LARP1B: variants seen among roughly 807,000 people sequenced by gnomAD.
The protein encoded by LARP1B is La ribonucleoprotein 1B.
A neutral mutation model predicts 114.2 loss-of-function variants in LARP1B; 76 were observed. That is an observed-to-expected ratio of 0.67 (90% CI 0.55 to 0.81). The LOEUF is 0.81. LARP1B is among the 30% of genes least tolerant of loss of function. The probability of loss-of-function intolerance (pLI) is 0.00; values close to 1 mark genes in which losing one functional copy is unlikely to be tolerated. For synonymous variants in LARP1B, 345 were observed against 348.0 expected, an observed-to-expected ratio of 0.99 and a Z score of 0.10; for missense variants, 1,014 against 1,075.8, an observed-to-expected ratio of 0.94 and a Z score of 0.80.
At position 128,210,202 on chromosome 4, in the gene LARP1B, G is replaced by C; in HGVS notation, c.*149G>C. 1 of 1,433,300 alleles carries C rather than the reference G, an allele frequency of 7.0e-7. No homozygotes were observed. The highest frequency in any genetic ancestry group is 9.1e-7 in the Non-Finnish European group (1 of 1,095,382). 88.8% of individuals were successfully genotyped at this position (1,433,300 alleles called of 1,614,324 possible). A position where few individuals can be genotyped will look rare whatever the true frequency, so the allele number is the denominator to read the frequency against. On this transcript the variant is annotated 3_prime_UTR_variant, in exon 20 of 20. Coordinates refer to ENST00000326639, the MANE Select transcript of LARP1B (RefSeq NM_018078.4). ...GGTGTTTAATTGTGATAATAAGAAA[G>C]AAGAAAAAGAAAGAAAAGTGGTAGC...
At chr4:128,186,303 T>G (rs1750326625) in intron 15 of LARP1B, among the ~76,000 whole-genome samples, 1 of 152,162 alleles carries the variant, frequency 6.6e-6, no homozygotes, top group African/African-American at 2.4e-5. Context: ...CATGAGCATG[T>G]GCTATCATTC....
chr4:128,158,340 AAAC>A (rs1378729425), intron 11 of LARP1B, among the ~76,000 whole-genome samples: 2 of 152,232 alleles, frequency 1.3e-5, no homozygotes, highest in Non-Finnish European at 2.9e-5. Context: ...TTATAGTTCT[AAAC>A]GTGAAACACA....
At chr4:128,177,384 A>G (rs964019763) in intron 13 of LARP1B, among the ~76,000 whole-genome samples, 7 of 152,194 alleles carry the variant, frequency 4.6e-5, no homozygotes, top group East Asian at 1.9e-4. Context: ...AAAAAAGTCG[A>G]TAAGTCTGAA....
chr4:128,168,830 G>T (rs764535161), intron 12 of LARP1B, among the ~76,000 whole-genome samples: 6 of 151,866 alleles, frequency 4.0e-5, no homozygotes, highest in Admixed American at 1.3e-4. Context: ...GAATGCTGGC[G>T]TCATAAAATG....
intron 11 of LARP1B, among the ~76,000 whole-genome samples, chr4:128,139,575 A>G (rs2150191298): frequency 8.4e-6 from 1 of 118,942 alleles, no homozygotes. Context: ...TTGTAACTGT[A>G]TAACTGTTAA....
intron 5 of LARP1B, among the ~76,000 whole-genome samples, chr4:128,088,870 G>T (rs576821189): frequency 7.9e-5 from 12 of 152,054 alleles, no homozygotes; most frequent in African/African-American, 2.4e-4. Context: ...GGAGCGGGAG[G>T]TGGCTTGATC....
intron 11 of LARP1B, among the ~76,000 whole-genome samples, chr4:128,128,343 G>A (rs1181233267): frequency 6.6e-6 from 1 of 152,152 alleles, no homozygotes; most frequent in Non-Finnish European, 1.5e-5. Flanking sequence ...CAGTACAGAT[G>A]TTCCTCAAAT....
intron 11 of LARP1B, among the ~76,000 whole-genome samples, chr4:128,148,427 ACT>A (rs1581010676): frequency 6.6e-6 from 1 of 151,012 alleles, no homozygotes; most frequent in Admixed American, 6.6e-5. Flanking sequence ...CAAGAGTGAA[ACT>A]CTGTCTCAAA....
chr4:128,075,503 C>T (rs999270223), intron 3 of LARP1B, among the ~76,000 whole-genome samples: 2 of 151,850 alleles, frequency 1.3e-5, no homozygotes, highest in Admixed American at 1.3e-4. Context: ...TTAAGCTTTA[C>T]TCATGGGAAG....
chr4:128,100,805 CTT>C (rs1260880149), intron 8 of LARP1B, among the ~76,000 whole-genome samples: 1 of 140,504 alleles, frequency 7.1e-6, no homozygotes, highest in Non-Finnish European at 1.6e-5. Flanking sequence ...CTTTTCTTTT[CTT>C]TTTTTTTTTG....
intron 17 of LARP1B, among the ~76,000 whole-genome samples, chr4:128,200,944 G>C (rs1755750714): frequency 6.6e-6 from 1 of 152,200 alleles, no homozygotes; most frequent in Non-Finnish European, 1.5e-5. Flanking sequence ...TCCAGAAACT[G>C]CTTAGCTGGG....
chr4:128,197,267 GA>G (rs1754479168), intron 15 of LARP1B, among the ~76,000 whole-genome samples: 1 of 152,106 alleles, frequency 6.6e-6, no homozygotes, highest in Admixed American at 6.5e-5. Context: ...TATTTCATTA[GA>G]AAAGTCTTTA....
At position 128,209,933 on chromosome 4, in the gene LARP1B, A is replaced by G; in HGVS notation, c.2625A>G (p.Pro875=). The part of the protein sequence containing the change: ...SGEESNRHRL[P]PNSSTKPPNA... ...AGGAGAGTAATCGTCATAGACTTCC[A>G]CCTAATTCCTCTACAAAGCCACCAA... is the stretch of plus-strand genomic sequence containing the variant. Residue 875 remains proline (P), a synonymous_variant, in exon 20 of 20, where the codon CCA becomes CCG. Coordinates refer to ENST00000326639, the MANE Select transcript of LARP1B (RefSeq NM_018078.4). The G allele has an allele frequency of 1.2e-6, 2 of 1,613,914 alleles. No homozygotes were observed. The highest frequency in any genetic ancestry group is 1.7e-6 in the Non-Finnish European group (2 of 1,179,840).
At chr4:128,122,761 C>T in intron 11 of LARP1B, 3 of 1,188,138 alleles carry the variant, frequency 2.5e-6, no homozygotes, top group Non-Finnish European at 3.1e-6. Flanking sequence ...TTACTTTTTA[C>T]AATCTTGTTC....
chr4:128,108,235 G>A lies in LARP1B; in HGVS notation c.988+922G>A, dbSNP rs72922344. 1,911 of 1,133,738 alleles carry A rather than the reference G, an allele frequency of 1.7e-3. 28 individuals carry two copies. The African/African-American group carries it at 0.028, about 17-fold the overall frequency. The allele number at this position is 1,133,738 out of a possible 1,614,324, so 70.2% of individuals were successfully genotyped here. A position where few individuals can be genotyped will look rare whatever the true frequency, so the allele number is the denominator to read the frequency against. On this transcript the variant is annotated intron_variant, in intron 9 of 19. Coordinates refer to ENST00000326639, the MANE Select transcript of LARP1B (RefSeq NM_018078.4). ...TATTCTGGAAATACCGCAAGATTAT[G>A]TTTTCTGTTTCCAGGGTTATGTACT...
intron 1 of LARP1B, among the ~76,000 whole-genome samples, chr4:128,062,445 C>G (rs540335275): frequency 6.6e-6 from 1 of 152,314 alleles, no homozygotes; most frequent in African/African-American, 2.4e-5. Flanking sequence ...TCAGGTTCTC[C>G]TTGCCTGATG....
At chr4:128,107,914 G>A (rs1450410947) in intron 9 of LARP1B, 1 of 1,535,986 alleles carries the variant, frequency 6.5e-7, no homozygotes, top group South Asian at 1.2e-5. Flanking sequence ...GCTCTTGGAT[G>A]TCATTTGATC....
At chr4:128,084,612 G>A (rs988707555) in intron 5 of LARP1B, among the ~76,000 whole-genome samples, 26 of 152,124 alleles carry the variant, frequency 1.7e-4, no homozygotes, top group Middle Eastern at 3.4e-3. Flanking sequence ...GAGGGAGACC[G>A]AGAGGGAGAG....
intron 1 of LARP1B, among the ~76,000 whole-genome samples, chr4:128,065,012 C>G (rs901596885): frequency 2.0e-5 from 3 of 152,088 alleles, no homozygotes; most frequent in African/African-American, 7.2e-5. Context: ...AAATATTTAA[C>G]AGTTAAGCTA....
Sources: allele counts gnomAD v4.1 joint callset (sites outside exome capture counted in the v4.1 genomes callset), GRCh38; gene constraint gnomAD v4.1.1; transcripts MANE v1.5; gene names NCBI Gene and HGNC (gene_info 2026-07-23, HGNC 2026-07-21).